The following NOX1 variants were observed in gnomAD, a reference collection of about 807,000 sequenced individuals.
NOX1 encodes the protein NADH/NADPH mitogenic oxidase subunit P65-MOX.
NOX1 carries 34 observed loss-of-function variants against 42.5 expected under a neutral mutation model. That is an observed-to-expected ratio of 0.80 (90% CI 0.61 to 1.07). The LOEUF is 1.07. NOX1 is among the 50% of genes least tolerant of loss of function. NOX1 has a pLI of 0.00. For synonymous variants in NOX1, 143 were observed against 152.5 expected, an observed-to-expected ratio of 0.94 and a Z score of 0.46; for missense variants, 408 against 427.0, an observed-to-expected ratio of 0.96 and a Z score of 0.39.
At chrX:100,856,435 G>C (rs1202344625) in intron 7 of NOX1, 9 of 457,974 alleles carry the variant, frequency 2.0e-5, no homozygotes, top group Non-Finnish European at 3.4e-5. Context: ...GTACACGGGC[G>C]GAAAGGCAAT....
At chrX:100,866,237 A>G (rs1385559515) in intron 2 of NOX1, among the ~76,000 whole-genome samples, 1 of 107,450 alleles carries the variant, frequency 9.3e-6, no homozygotes, top group Non-Finnish European at 1.9e-5. Context: ...AAAAAAAAAG[A>G]AAGAAAGATA....
chrX:100,849,030 C>T (rs768461477), intron 11 of NOX1, among the ~76,000 whole-genome samples: 5 of 110,386 alleles, frequency 4.5e-5, no homozygotes, highest in African/African-American at 1.7e-4. Context: ...GAGCCAAGAT[C>T]GCACCATTGC....
intron 12 of NOX1, among the ~76,000 whole-genome samples, chrX:100,846,487 C>G (rs1039017730): frequency 9.0e-6 from 1 of 111,531 alleles, no homozygotes; most frequent in Non-Finnish European, 1.9e-5. Flanking sequence ...ACACTATTGA[C>G]CACGCTTCTC....
At chrX:100,869,016 A>G (rs1272257690) in intron 2 of NOX1, among the ~76,000 whole-genome samples, 2 of 110,636 alleles carry the variant, frequency 1.8e-5, no homozygotes, top group Non-Finnish European at 1.9e-5. Flanking sequence ...TTCCATTGAT[A>G]TATATCTCTG....
Position 100,862,320 on chromosome X carries a change from A to C in NOX1, c.672-17T>G, listed in dbSNP as rs761247081. Reference sequence around the variant, plus strand: ...ACAATTCCACTGAAATAGACAAAGAAGGATGGTTTGGGACAAAGAATTATG... The same window carrying C: ...ACAATTCCACTGAAATAGACAAAGACGGATGGTTTGGGACAAAGAATTATG... On this transcript the variant is annotated splice_polypyrimidine_tract_variant and intron_variant, in intron 6 of 12. Transcript: ENST00000372966. 8.3e-7 allele frequency: 1 copy of C among 1,211,505 alleles called. No individual in the cohort carries two copies. Among genetic ancestry groups the C allele is most frequent in the Non-Finnish European group, 1.1e-6 (1 of 895,325 alleles).
Position 100,874,150 on chromosome X carries a change from T to G in NOX1, c.-11A>C. The G allele has an allele frequency of 8.4e-7, 1 of 1,188,652 alleles. No homozygotes were observed. Among genetic ancestry groups the G allele is most frequent in the Non-Finnish European group, 1.1e-6 (1 of 876,700 alleles). ...CACCCAGTTTCCCATTGTCAAGAGG[T>G]GGTTTGGAGCCCTTCTAGGCAACAG... On this transcript the variant is annotated 5_prime_UTR_variant, in exon 1 of 13. Transcript: ENST00000372966.
intron 9 of NOX1, 95 bp from the exon 10 acceptor site, chrX:100,850,029 C>G: frequency 1.0e-6 from 1 of 992,762 alleles, no homozygotes; most frequent in Non-Finnish European, 1.4e-6. Context: ...TCATGGCTGA[C>G]TTCTGCATAT....
intron 7 of NOX1, among the ~76,000 whole-genome samples, chrX:100,853,308 T>C (rs1177274944): frequency 4.8e-5 from 4 of 83,285 alleles, no homozygotes; most frequent in East Asian, 3.6e-4. Flanking sequence ...CTTTCTTTCT[T>C]TCTTTCTTTC....
At chrX:100,862,113 A>T in intron 7 of NOX1, 58 bp downstream of exon 7, 1 of 1,121,545 alleles carries the variant, frequency 8.9e-7, no homozygotes. Context: ...AGTAATAATA[A>T]GAATAATAAC....
rs146624461 is a variant in NOX1 at position 100,862,355 on chromosome X, G to A, written c.671+37C>T. The stretch of plus-strand genomic sequence containing the variant: ...GGGACAAAGAATTATGCAAGGTCAG[G>A]GGCTGGGGCATGAGAATGAGGGTTC... On this transcript the variant is annotated intron_variant, in intron 6 of 12. Transcript: ENST00000372966. 6.7e-4 allele frequency: 812 copies of A among 1,207,724 alleles called. 7 individuals carry two copies. In the African/African-American group the frequency reaches 0.012, roughly 18 times the overall value.
intron 7 of NOX1, among the ~76,000 whole-genome samples, chrX:100,853,266 CTTTCTTTCTTT>C (rs2085130717): frequency 3.7e-5 from 1 of 26,895 alleles, no homozygotes; most frequent in Non-Finnish European, 7.2e-5. Flanking sequence ...TCCTTCCTTT[CTTTCTTTCTTT>C]CTTTCTTTCT....
intron 7 of NOX1, among the ~76,000 whole-genome samples, chrX:100,853,941 G>A (rs374450178): frequency 1.8e-5 from 2 of 111,958 alleles, no homozygotes; most frequent in Admixed American, 9.4e-5. Context: ...TCAGGAGTTC[G>A]AGACCAGTCT....
chrX:100,852,228 G>A (rs936644172), intron 7 of NOX1, among the ~76,000 whole-genome samples: 3 of 111,916 alleles, frequency 2.7e-5, no homozygotes, highest in Non-Finnish European at 5.6e-5. Context: ...CAGCACCTTG[G>A]GAAGCCAAGG....
Position 100,862,805 on chromosome X carries a change from G to A in NOX1, c.353C>T (p.Ala118Val), listed in dbSNP as rs763802417. The A allele has an allele frequency of 6.7e-6, 8 of 1,198,894 alleles. No homozygotes were observed. The highest frequency in any genetic ancestry group is 9.0e-6 in the Non-Finnish European group (8 of 890,950). Residue 118 changes from alanine to valine, a missense_variant, in exon 5 of 13, where the codon GCA becomes GTA. Coordinates refer to ENST00000372966, the MANE Select transcript of NOX1 (RefSeq NM_007052.5). ...ATAGCAGTCAAAGTTAAACAGGTGTGCAATGATGTGAATAGCTAAATGGAA... is the reference window on the plus strand; with the variant it reads ...ATAGCAGTCAAAGTTAAACAGGTGTACAATGATGTGAATAGCTAAATGGAA... ...ICLHTAIHII[A>V]HLFNFDCYSR...
intron 1 of NOX1, among the ~76,000 whole-genome samples, chrX:100,871,868 T>C (rs1411894218): frequency 1.8e-5 from 2 of 111,966 alleles, no homozygotes; most frequent in Non-Finnish European, 3.8e-5. Context: ...AGTACTATAA[T>C]ATAGTGATTT....
At chrX:100,863,442 C>T (rs778096825) in intron 3 of NOX1, 43 bp downstream of exon 3, 14 of 1,182,034 alleles carry the variant, frequency 1.2e-5, no homozygotes, top group Non-Finnish European at 1.6e-5. Context: ...CTGGGGTCTC[C>T]TTCTTTAATG....
At chrX:100,859,375 A>G (rs996266445) in intron 7 of NOX1, among the ~76,000 whole-genome samples, 1 of 111,861 alleles carries the variant, frequency 8.9e-6, no homozygotes, top group African/African-American at 3.2e-5. Context: ...AATGATCATC[A>G]GGGATATTGG....
chrX:100,846,236 C>T (rs1419753993), intron 12 of NOX1, among the ~76,000 whole-genome samples: 2 of 112,381 alleles, frequency 1.8e-5, no homozygotes, highest in African/African-American at 6.4e-5. Context: ...CTGTGTTTAA[C>T]ACTTTGAGGA....
chrX:100,849,012 G>A (rs1265575519), intron 11 of NOX1, among the ~76,000 whole-genome samples: 2 of 111,386 alleles, frequency 1.8e-5, no homozygotes, highest in Admixed American at 9.5e-5. Flanking sequence ...GGAGGCAGAG[G>A]TTGTGGTGAG....
Sources: allele counts gnomAD v4.1 joint callset (sites outside exome capture counted in the v4.1 genomes callset), GRCh38; gene constraint gnomAD v4.1.1; transcripts MANE v1.5; gene names NCBI Gene and HGNC (gene_info 2026-07-23, HGNC 2026-07-21).